The following PRKCB variants were observed in gnomAD, a reference collection of about 807,000 sequenced individuals.
The protein encoded by PRKCB is protein kinase C beta, also known as protein kinase C beta type.
In PRKCB, 13 loss-of-function variants were observed where a neutral mutation model predicts 81.5. That is an observed-to-expected ratio of 0.16 (90% CI 0.10 to 0.25). The LOEUF (loss-of-function observed/expected upper bound fraction) is 0.25, where lower values mean the gene tolerates loss of function less well. Among genes scored for constraint, PRKCB ranks in the 10% least tolerant of loss-of-function variants. The pLI is 1.00. For synonymous variants in PRKCB, 335 were observed against 321.4 expected (o/e 1.04, Z -0.45); for missense variants, 509 against 875.7 (o/e 0.58, Z 5.29).
chr16:23,837,457 ATACTT>A, intron 2 of PRKCB, 51 bp downstream of exon 2: 4 of 1,584,064 alleles, frequency 2.5e-6, no homozygotes, highest in African/African-American at 1.4e-5. Context: ...AGGGTGAAAA[ATACTT>A]TATAGAAGAA....
chr16:23,903,423 G>A (rs1963514095), intron 2 of PRKCB, among the ~76,000 whole-genome samples: 1 of 151,930 alleles, frequency 6.6e-6, no homozygotes, highest in Non-Finnish European at 1.5e-5. Context: ...CAGCAGCAAA[G>A]ATTCTCAAAG....
chr16:24,022,685 G>C (rs1260365931), intron 3 of PRKCB, among the ~76,000 whole-genome samples: 1 of 152,150 alleles, frequency 6.6e-6, no homozygotes, highest in African/African-American at 2.4e-5. Flanking sequence ...AGTAGAGACA[G>C]GGTTTCACCG....
intron 10 of PRKCB, among the ~76,000 whole-genome samples, chr16:24,157,772 C>T (rs1039440181): frequency 2.6e-5 from 4 of 151,382 alleles, no homozygotes; most frequent in Non-Finnish European, 2.9e-5. Context: ...TACCCCATTT[C>T]GCTCTGCACT....
intron 3 of PRKCB, among the ~76,000 whole-genome samples, chr16:24,005,924 C>A (rs897336208): frequency 6.6e-6 from 1 of 152,228 alleles, no homozygotes; most frequent in Non-Finnish European, 1.5e-5. Context: ...AATGCTCCTT[C>A]CAGGGAGCGA....
chr16:24,198,797 G>A lies in PRKCB; in HGVS notation c.1863+7567G>A, dbSNP rs189228989. On this transcript the variant is annotated intron_variant, in intron 16 of 16. Coordinates refer to ENST00000643927, the MANE Select transcript of PRKCB (RefSeq NM_002738.7). ...GTTCTAAAATATGATGCATCTGATC[G>A]TCAATGCTCTCTGGGCAGGGCTTGA... is the stretch of plus-strand genomic sequence containing the variant. Among the ~76,000 whole-genome samples, 29 of 152,292 alleles carry A rather than the reference G, an allele frequency of 1.9e-4. No individual in the cohort carries two copies. The East Asian group carries it at 3.1e-3, about 16-fold the overall frequency.
chr16:23,875,795 TATATGTGTGTATATC>T lies in PRKCB; in HGVS notation c.205+38394_205+38408del, dbSNP rs1275741703. On this transcript the variant is annotated intron_variant, in intron 2 of 16. Transcript: ENST00000643927. ...CACATATATGTGTGTATATCACACATATATGTGTGTATATCATATATATATATGCATGACCCATAT... is the reference window on the plus strand; with the variant it reads ...CACATATATGTGTGTATATCACACATATATATATATATGCATGACCCATAT... 7.2e-3 allele frequency among the ~76,000 whole-genome samples: 717 copies of T among 99,354 alleles called. 36 individuals are homozygous for T. The highest frequency in any genetic ancestry group is 0.02 in the African/African-American group (530 of 26,304). The allele number at this position is 99,354 out of a possible 152,430, so 65.2% of individuals were successfully genotyped here. A position where few individuals can be genotyped will look rare whatever the true frequency, so the allele number is the denominator to read the frequency against.
chr16:24,178,428 C>G (rs925869984), intron 12 of PRKCB, among the ~76,000 whole-genome samples: 1 of 152,230 alleles, frequency 6.6e-6, no homozygotes, highest in African/African-American at 2.4e-5. Flanking sequence ...CTGCCTGGCT[C>G]TTGGCACCTG....
chr16:24,095,098 A>G (rs1966424266), intron 7 of PRKCB, among the ~76,000 whole-genome samples: 1 of 152,182 alleles, frequency 6.6e-6, no homozygotes, highest in Non-Finnish European at 1.5e-5. Context: ...ATTTTATTAC[A>G]TCTGGGCCAA....
intron 9 of PRKCB, among the ~76,000 whole-genome samples, chr16:24,147,917 G>GTCCAAACTC (rs1422972418): frequency 6.6e-6 from 1 of 152,188 alleles, no homozygotes; most frequent in East Asian, 1.9e-4. Flanking sequence ...AGTCCAAACT[G>GTCCAAACTC]TCCCAACGTT....
rs1017131623 is a variant in PRKCB, at chr16:24,219,504, A to C, written c.*4688A>C. The C allele has an allele frequency of 2.5e-5, 25 of 987,608 alleles. No individual in the cohort carries two copies. Among genetic ancestry groups the C allele is most frequent in the Non-Finnish European group, 3.0e-5 (25 of 831,634 alleles). 61.2% of individuals were successfully genotyped at this position (987,608 alleles called of 1,614,324 possible). Reference sequence around the variant, plus strand: ...GGGCAGAGTAGATGGGCAGCAGTTCACCTTTTCAGAGAAAGAGGTCTTCTA... The same window carrying C: ...GGGCAGAGTAGATGGGCAGCAGTTCCCCTTTTCAGAGAAAGAGGTCTTCTA... On this transcript the variant is annotated 3_prime_UTR_variant, in exon 17 of 17. Transcript: ENST00000643927.
chr16:23,894,514 C>A (rs1963342531), intron 2 of PRKCB, among the ~76,000 whole-genome samples: 1 of 152,052 alleles, frequency 6.6e-6, no homozygotes, highest in African/African-American at 2.4e-5. Flanking sequence ...AATTTCCCCC[C>A]AGAAAATAAT....
At chr16:23,959,228 G>A (rs538573918) in intron 2 of PRKCB, among the ~76,000 whole-genome samples, 131 of 152,264 alleles carry the variant, frequency 8.6e-4, no homozygotes, top group African/African-American at 3.0e-3. Context: ...ATCCTGCTGT[G>A]CGCCGAGCTG....
At chr16:24,205,176 G>A (rs1262957899) in intron 16 of PRKCB, among the ~76,000 whole-genome samples, 1 of 146,002 alleles carries the variant, frequency 6.8e-6, no homozygotes, top group African/African-American at 2.5e-5. Flanking sequence ...TTAGAGACAG[G>A]GTCTTACTCT....
At chr16:23,923,705 G>T (rs1376028327) in intron 2 of PRKCB, among the ~76,000 whole-genome samples, 1 of 152,030 alleles carries the variant, frequency 6.6e-6, no homozygotes, top group African/African-American at 2.4e-5. Flanking sequence ...TGTTTGTGCA[G>T]CTCTAATAAT....
At chr16:24,100,928 C>G (rs2141907708) in intron 7 of PRKCB, among the ~76,000 whole-genome samples, 1 of 152,252 alleles carries the variant, frequency 6.6e-6, no homozygotes, top group East Asian at 1.9e-4. Flanking sequence ...AAGCTGTCTT[C>G]TCATGTTGAG....
intron 16 of PRKCB, among the ~76,000 whole-genome samples, chr16:24,199,308 T>G (rs1967922710): frequency 1.3e-5 from 2 of 152,216 alleles, no homozygotes; most frequent in South Asian, 2.1e-4. Context: ...GTCAAAAGCT[T>G]CAAGTACTGC....
chr16:23,986,393 C>A (rs1266287371), intron 2 of PRKCB, among the ~76,000 whole-genome samples: 1 of 151,910 alleles, frequency 6.6e-6, no homozygotes, highest in Non-Finnish European at 1.5e-5. Context: ...AGCTGGACTG[C>A]AGGCATGCAC....
intron 2 of PRKCB, among the ~76,000 whole-genome samples, chr16:23,929,078 G>A (rs1963936658): frequency 6.6e-6 from 1 of 151,990 alleles, no homozygotes; most frequent in South Asian, 2.1e-4. Context: ...ATGGAGTTTT[G>A]GAGATGGGGA....
intron 16 of PRKCB, among the ~76,000 whole-genome samples, chr16:24,202,108 G>A (rs1310295806): frequency 3.9e-5 from 6 of 152,138 alleles, no homozygotes; most frequent in African/African-American, 1.4e-4. Context: ...CTGCTGGCTG[G>A]GCAAAAACAG....
Sources: gnomAD v4.1 joint callset for allele counts (sites outside exome capture counted in the v4.1 genomes callset) on GRCh38, gnomAD v4.1.1 for gene constraint, MANE v1.5 for transcripts, NCBI Gene and HGNC (gene_info 2026-07-23, HGNC 2026-07-21) for gene names.